Variants in CSGALNACT1 observed in about 807,000 individuals in gnomAD.
The protein encoded by CSGALNACT1 is chondroitin sulfate N-acetylgalactosaminyltransferase 1.
Under a neutral mutation model 51.0 loss-of-function variants are expected in CSGALNACT1, and 52 were observed. That is an observed-to-expected ratio of 1.02 (90% confidence interval 0.82 to 1.29). The LOEUF (loss-of-function observed/expected upper bound fraction) is 1.29. Ranked by LOEUF, CSGALNACT1 falls within the 50% of genes most tolerant of loss-of-function variation. The probability of loss-of-function intolerance (pLI) is 0.00; values close to 1 mark genes in which losing one functional copy is unlikely to be tolerated. For missense variants in CSGALNACT1, 935 were observed against 679.2 expected, an observed-to-expected ratio of 1.38 and a Z score of -4.19; for synonymous variants, 341 against 254.4, an observed-to-expected ratio of 1.34 and a Z score of -3.24.
At chr8:19,475,541 C>T (rs1274939460) in intron 4 of CSGALNACT1, among the ~76,000 whole-genome samples, 1 of 152,170 alleles carries the variant, frequency 6.6e-6, no homozygotes, top group Non-Finnish European at 1.5e-5. Context: ...TGCCACACTT[C>T]CCTCCACAAC....
intron 3 of CSGALNACT1, among the ~76,000 whole-genome samples, chr8:19,520,579 C>T (rs775130231): frequency 3.3e-5 from 5 of 152,206 alleles, no homozygotes; most frequent in Non-Finnish European, 5.9e-5. Context: ...AAGAAATGTA[C>T]GCACAGTAGA....
chr8:19,693,435 C>T (rs879517768), intron 1 of CSGALNACT1, among the ~76,000 whole-genome samples: 2 of 152,102 alleles, frequency 1.3e-5, no homozygotes, highest in Non-Finnish European at 2.9e-5. Context: ...GTGAGTTTAT[C>T]ACCCCTATTT....
intron 3 of CSGALNACT1, among the ~76,000 whole-genome samples, chr8:19,568,935 T>A (rs1230964240): frequency 6.6e-6 from 1 of 152,220 alleles, no homozygotes; most frequent in Non-Finnish European, 1.5e-5. Context: ...TAATTCCTTG[T>A]AGCTAAGACA....
intron 1 of CSGALNACT1, among the ~76,000 whole-genome samples, chr8:19,616,111 T>C (rs11993402): frequency 6.6e-6 from 1 of 152,172 alleles, no homozygotes; most frequent in Non-Finnish European, 1.5e-5. Flanking sequence ...AGTGTTATCA[T>C]ACAATACTAG....
At chr8:19,548,862 C>G (rs1425050967) in intron 3 of CSGALNACT1, among the ~76,000 whole-genome samples, 2 of 152,132 alleles carry the variant, frequency 1.3e-5, no homozygotes, top group Non-Finnish European at 2.9e-5. Context: ...CCCTTTTGCC[C>G]TTCTACAGTA....
chr8:19,666,851 A>G lies in CSGALNACT1; in HGVS notation c.-544+15622T>C, dbSNP rs935849733. 4.3e-4 allele frequency among the ~76,000 whole-genome samples: 50 copies of G among 115,590 alleles called. 2 individuals are homozygous for G. The highest frequency in any genetic ancestry group is 3.8e-3 in the Middle Eastern group (1 of 262). The allele number at this position is 115,590 out of a possible 152,430, so 75.8% of individuals were successfully genotyped here. A position where few individuals can be genotyped will look rare whatever the true frequency, so the allele number is the denominator to read the frequency against. The stretch of plus-strand genomic sequence containing the variant: ...AGAGAGAGAAAGAAAGAAAGAAAGA[A>G]AGAAAGAAAGAAAGAAAGAAAGAAA... On this transcript the variant is annotated intron_variant, in intron 1 of 9. Transcript: ENST00000332246.
At chr8:19,709,288 T>C (rs533125893) in intron 1 of CSGALNACT1, among the ~76,000 whole-genome samples, 49 of 152,356 alleles carry the variant, frequency 3.2e-4, no homozygotes, top group Middle Eastern at 3.4e-3. Context: ...GAATTCATTC[T>C]CATTTAACAA....
intron 3 of CSGALNACT1, among the ~76,000 whole-genome samples, chr8:19,551,409 T>C (rs1464835074): frequency 6.6e-6 from 1 of 152,094 alleles, no homozygotes; most frequent in Non-Finnish European, 1.5e-5. Flanking sequence ...TTCAAGCCAA[T>C]CTCTGTGCAG....
chr8:19,643,635 C>CA (rs1475957289), intron 1 of CSGALNACT1, among the ~76,000 whole-genome samples: 1 of 131,784 alleles, frequency 7.6e-6, no homozygotes, highest in Non-Finnish European at 1.6e-5. Context: ...GAGACACCAT[C>CA]TTAAAAAAAA....
intron 3 of CSGALNACT1, among the ~76,000 whole-genome samples, chr8:19,548,242 T>G (rs1323184647): frequency 2.6e-5 from 4 of 152,206 alleles, no homozygotes; most frequent in African/African-American, 4.8e-5. Flanking sequence ...TCTGGCACTT[T>G]TTTCTAATGC....
intron 2 of CSGALNACT1, among the ~76,000 whole-genome samples, chr8:19,600,225 G>T (rs969278811): frequency 1.3e-5 from 2 of 152,080 alleles, no homozygotes; most frequent in Non-Finnish European, 2.9e-5. Context: ...TGGGTTACAG[G>T]TATGCACCAC....
chr8:19,458,685 C>T (rs2064686310), intron 4 of CSGALNACT1, 43 bp from the exon 4 acceptor site: 3 of 1,586,364 alleles, frequency 1.9e-6, no homozygotes, highest in Non-Finnish European at 2.6e-6. Context: ...AAAAATTAAC[C>T]TTGGCTGCTG....
chr8:19,616,183 T>C (rs1347240526), intron 1 of CSGALNACT1, among the ~76,000 whole-genome samples: 1 of 152,242 alleles, frequency 6.6e-6, no homozygotes, highest in African/African-American at 2.4e-5. Flanking sequence ...AATATTCATA[T>C]GAGATATTTT....
intron 4 of CSGALNACT1, among the ~76,000 whole-genome samples, chr8:19,503,269 C>A (rs1274010214): frequency 6.6e-6 from 1 of 152,166 alleles, no homozygotes; most frequent in Non-Finnish European, 1.5e-5. Context: ...AAGCTGTGTG[C>A]TGCCCACGAA....
intron 3 of CSGALNACT1, among the ~76,000 whole-genome samples, chr8:19,508,485 G>A (rs925761673): frequency 2.0e-5 from 3 of 152,202 alleles, no homozygotes; most frequent in African/African-American, 4.8e-5. Flanking sequence ...TCCATCTGAT[G>A]AAAATCTTGG....
intron 6 of CSGALNACT1, among the ~76,000 whole-genome samples, chr8:19,422,043 G>C (rs779875654): frequency 6.6e-6 from 1 of 152,100 alleles, no homozygotes; most frequent in Non-Finnish European, 1.5e-5. Flanking sequence ...TGGATTTGAG[G>C]CAAGTCACTC....
At chr8:19,635,707 T>A (rs1204849473) in intron 1 of CSGALNACT1, among the ~76,000 whole-genome samples, 1 of 152,074 alleles carries the variant, frequency 6.6e-6, no homozygotes, top group Non-Finnish European at 1.5e-5. Flanking sequence ...ATTTAGGAAG[T>A]CTTTCCACTT....
At chr8:19,676,013 C>T (rs995206354) in intron 1 of CSGALNACT1, among the ~76,000 whole-genome samples, 4 of 149,576 alleles carry the variant, frequency 2.7e-5, no homozygotes, top group African/African-American at 9.8e-5. Context: ...ACTGGAAACA[C>T]CACCAATAGA....
At chr8:19,549,378 C>A (rs972244907) in intron 3 of CSGALNACT1, among the ~76,000 whole-genome samples, 2 of 152,062 alleles carry the variant, frequency 1.3e-5, no homozygotes, top group Non-Finnish European at 1.5e-5. Flanking sequence ...CTATTAATAA[C>A]TGCTTCAATT....
Sources: gnomAD v4.1 joint callset for allele counts (sites outside exome capture counted in the v4.1 genomes callset) on GRCh38, gnomAD v4.1.1 for gene constraint, MANE v1.5 for transcripts, NCBI Gene and HGNC (gene_info 2026-07-23, HGNC 2026-07-21) for gene names.